STARD10: variants seen among roughly 807,000 people sequenced by gnomAD.
STARD10 encodes the protein START domain-containing protein 10.
STARD10 carries 24 observed loss-of-function variants against 36.0 expected under a neutral mutation model. That is an observed-to-expected ratio of 0.67 (90% CI 0.48 to 0.94). The LOEUF is 0.94. Ranked by LOEUF, STARD10 falls within the 40% of genes least tolerant of loss-of-function variation. The pLI is 0.00. For synonymous variants in STARD10, 156 were observed against 161.9 expected (o/e 0.96, Z 0.28); for missense variants, 335 against 396.6 (o/e 0.84, Z 1.32).
In STARD10 at chr11:72,757,877, G is replaced by A. The variant is rs769338513; in HGVS notation, c.467C>T (p.Pro156Leu). The stretch of plus-strand genomic sequence containing the variant: ...AGCTCGGACCAAGTCTTTCCGAGGT[G>A]GGTATTTCTGGGGATGGAAGGCACA... Reference protein sequence around the residue: ...MNYSVKHPKYPPRKDLVRAVS... With the variant: ...MNYSVKHPKYLPRKDLVRAVS... The change falls in exon 5 of 7, where the codon CCA (proline) becomes CTA (leucine). Residue 156 changes from proline to leucine, a missense_variant. Physicochemically the swap from Pro to Leu is moderately conservative, Grantham distance 98. Coordinates refer to ENST00000334805, the MANE Select transcript of STARD10 (RefSeq NM_006645.3). The A allele has an allele frequency of 1.4e-5, 23 of 1,614,028 alleles. No individual in the cohort carries two copies. Among genetic ancestry groups the A allele is most frequent in the Non-Finnish European group, 1.9e-5 (22 of 1,179,980 alleles).
chr11:72,764,673 G>C (rs1858762695), intron 2 of STARD10, among the ~76,000 whole-genome samples: 1 of 152,220 alleles, frequency 6.6e-6, no homozygotes, highest in Non-Finnish European at 1.5e-5. Context: ...ACGCCCCAAA[G>C]GTGTAATTCT....
chr11:72,780,204 C>T (rs1180632908), intron 2 of STARD10: 6 of 441,744 alleles, frequency 1.4e-5, no homozygotes, highest in East Asian at 1.4e-4. Context: ...GGGGGATATG[C>T]GTTCCCAGGG....
chr11:72,762,789 AG>A (rs1456923838), intron 2 of STARD10, among the ~76,000 whole-genome samples: 7 of 152,200 alleles, frequency 4.6e-5, no homozygotes, highest in Non-Finnish European at 1.0e-4. Flanking sequence ...CAGAAAGAAC[AG>A]CCAGCCAAGG....
chr11:72,755,743 G>A lies in STARD10; in HGVS notation c.588C>T (p.Pro196=). 1 of 1,613,142 alleles carries A rather than the reference G, an allele frequency of 6.2e-7. No individual in the cohort carries two copies. Among genetic ancestry groups the A allele is most frequent in the Non-Finnish European group, 8.5e-7 (1 of 1,179,502 alleles). The part of the protein sequence containing the change: ...LAQVDPKGSL[P]KWVVNKSSQF... ...GAGAAGATTTATTCACCACCCACTT[G>A]GGTAAGGAGCCTGTGAGGGCAGGGA... is the stretch of plus-strand genomic sequence containing the variant. Residue 196 remains proline (P), a synonymous_variant, in exon 6 of 7, where the codon CCC becomes CCT. Transcript: ENST00000334805.
In STARD10 at chr11:72,755,010, G is replaced by C. The variant is rs1858622642; in HGVS notation, c.763C>G (p.Gln255Glu). The C allele has an allele frequency of 6.2e-7, 1 of 1,612,970 alleles. No individual in the cohort carries two copies. The highest frequency in any genetic ancestry group is 8.5e-7 in the Non-Finnish European group (1 of 1,179,724). The change falls in exon 7 of 7, where the codon CAG (glutamine) becomes GAG (glutamate). Residue 255 changes from glutamine (Q) to glutamate (E), a missense_variant. Gln to Glu is a conservative substitution (Grantham distance 29). Coordinates refer to ENST00000334805, the MANE Select transcript of STARD10 (RefSeq NM_006645.3). Reference protein sequence around the residue: ...PSLALSELSVQHADSLENIDE... With the variant: ...PSLALSELSVEHADSLENIDE... ...ATGTTCTCCAGTGAGTCCGCATGCT[G>C]CACCGACAGCTCCGACAGCGCCAGG...
rs1858662111 is a variant in STARD10, at chr11:72,757,695, CTAG to C, written c.577+69_577+71del. 5.0e-6 allele frequency: 7 copies of C among 1,395,844 alleles called. No individual in the cohort carries two copies. The South Asian group carries it at 8.3e-5, about 16-fold the overall frequency. The allele number at this position is 1,395,844 out of a possible 1,614,324, so 86.5% of individuals were successfully genotyped here. A position where few individuals can be genotyped will look rare whatever the true frequency, so the allele number is the denominator to read the frequency against. On this transcript the variant is annotated intron_variant, in intron 5 of 6. Coordinates refer to ENST00000334805, the MANE Select transcript of STARD10 (RefSeq NM_006645.3). ...TCCTAACAGATGCCCTTCTGGATCC[CTAG>C]TAGATCAGGCCCCACCCCTGTGGTA...
chr11:72,755,493 T>C (rs1160784290), intron 6 of STARD10: 1 of 624,428 alleles, frequency 1.6e-6, no homozygotes, highest in Non-Finnish European at 2.9e-6. Context: ...GTATTTTTAG[T>C]AGAGACAGGG....
At chr11:72,791,743 G>T (rs1859145164) in intron 1 of STARD10, among the ~76,000 whole-genome samples, 2 of 151,738 alleles carry the variant, frequency 1.3e-5, no homozygotes, top group African/African-American at 4.8e-5. Context: ...TTTAGCCTCA[G>T]TTTCTCTGGC....
rs1565237821 is a variant in STARD10 at position 72,754,911 on chromosome 11, T to G, written c.862A>C (p.Thr288Pro). 3 of 1,599,142 alleles carry G rather than the reference T, an allele frequency of 1.9e-6. No individual in the cohort carries two copies. Among genetic ancestry groups the G allele is most frequent in the Non-Finnish European group, 8.5e-7 (1 of 1,178,410 alleles). The change falls in exon 7 of 7, where the codon ACC (threonine) becomes CCC (proline). Residue 288 changes from threonine to proline, a missense_variant. By Grantham distance (38) the Thr-to-Pro change is conservative. Transcript: ENST00000334805. ...CGGTGCGGCGCTCAGGTGAGCGAGG[T>G]GTCGTCGTCGCTGCCCTCGCCGCCC... The part of the protein sequence containing the change: ...GAGGEGSDDD[T>P]SLT
intron 5 of STARD10, among the ~76,000 whole-genome samples, chr11:72,756,562 C>A (rs745634649): frequency 1.3e-5 from 2 of 152,044 alleles, no homozygotes; most frequent in Non-Finnish European, 2.9e-5. Flanking sequence ...GGAGGTGACA[C>A]CCACAGCACC....
rs1858635479 is a variant in STARD10 at position 72,755,737 on chromosome 11, C to T, written c.594G>A (p.Trp198Ter). The T allele has an allele frequency of 1.9e-6, 3 of 1,613,556 alleles. No individual in the cohort carries two copies. In the East Asian group the frequency reaches 6.7e-5, roughly 36 times the overall value. ...GGAACTGAGAAGATTTATTCACCAC[C>T]CACTTGGGTAAGGAGCCTGTGAGGG... ...QVDPKGSLPK[W>*]VVNKSSQFLA... The change falls in exon 6 of 7, where the codon TGG becomes TGA. Residue 198 changes from tryptophan to a stop codon, truncating the protein, a stop_gained. Transcript: ENST00000334805. LOFTEE classifies it high-confidence loss of function.
At chr11:72,769,064 C>T (rs371756269) in intron 2 of STARD10, among the ~76,000 whole-genome samples, 66 of 152,254 alleles carry the variant, frequency 4.3e-4, no homozygotes, top group African/African-American at 1.5e-3. Flanking sequence ...TTACTACTTC[C>T]GCCATCATCC....
chr11:72,766,633 C>G (rs1858795237), intron 2 of STARD10, among the ~76,000 whole-genome samples: 1 of 152,138 alleles, frequency 6.6e-6, no homozygotes, highest in African/African-American at 2.4e-5. Context: ...CGCCCCCTGA[C>G]TGTGTTCTCT....
intron 1 of STARD10, among the ~76,000 whole-genome samples, chr11:72,786,877 G>A (rs1253706629): frequency 6.6e-5 from 10 of 151,968 alleles, no homozygotes; most frequent in African/African-American, 2.2e-4. Context: ...GCCAGGAGTT[G>A]GAGACCAGCT....
intron 2 of STARD10, chr11:72,780,199 A>T (rs1416882226): frequency 2.3e-6 from 1 of 444,214 alleles, no homozygotes; most frequent in Admixed American, 2.4e-5. Flanking sequence ...CCCCTGGGGG[A>T]TATGCGTTCC....
chr11:72,764,046 C>G (rs1225943185), intron 2 of STARD10, among the ~76,000 whole-genome samples: 1 of 152,206 alleles, frequency 6.6e-6, no homozygotes, highest in African/African-American at 2.4e-5. Flanking sequence ...CAGAATTTCT[C>G]TAAATCCAAA....
chr11:72,776,664 C>G (rs1333124895), intron 2 of STARD10, among the ~76,000 whole-genome samples: 2 of 152,116 alleles, frequency 1.3e-5, no homozygotes, highest in Non-Finnish European at 2.9e-5. Context: ...CCTCAGTTTC[C>G]ACATCTGCTT....
rs1357791642 is a variant in STARD10, at chr11:72,755,760, G to A, written c.578-7C>T. 6 of 1,609,906 alleles carry A rather than the reference G, an allele frequency of 3.7e-6. No individual in the cohort carries two copies. The highest frequency in any genetic ancestry group is 5.1e-6 in the Non-Finnish European group (6 of 1,177,694). On this transcript the variant is annotated splice_polypyrimidine_tract_variant and splice_region_variant and intron_variant, in intron 5 of 6. Coordinates refer to ENST00000334805, the MANE Select transcript of STARD10 (RefSeq NM_006645.3). ...ACCCACTTGGGTAAGGAGCCTGTGA[G>A]GGCAGGGAAGGGAGGAAGCAGCCTC...
chr11:72,780,517 C>T (rs1858978179), intron 2 of STARD10: 1 of 378,504 alleles, frequency 2.6e-6, no homozygotes, highest in South Asian at 1.9e-5. Context: ...AGTAAGGAAT[C>T]GGGTCCTGGG....
Sources: gnomAD v4.1 joint callset for allele counts (sites outside exome capture counted in the v4.1 genomes callset) on GRCh38, gnomAD v4.1.1 for gene constraint, MANE v1.5 for transcripts, NCBI Gene and HGNC (gene_info 2026-07-23, HGNC 2026-07-21) for gene names.